The following MYO18B variants were observed in gnomAD, a reference collection of about 807,000 sequenced individuals.
MYO18B encodes the protein myosin XVIIIB, also known as unconventional myosin-XVIIIb.
In MYO18B, 204 loss-of-function variants were observed where a neutral mutation model predicts 273.0. The ratio of observed to expected loss-of-function variants is 0.75; its 90% CI spans 0.67 to 0.84. The LOEUF (loss-of-function observed/expected upper bound fraction) is 0.84. MYO18B is among the 40% of genes least tolerant of loss of function. MYO18B has a pLI of 0.00. For missense variants in MYO18B, 3,212 were observed against 3,287.6 expected (o/e 0.98, Z 0.56); for synonymous variants, 1,330 against 1,305.7 (o/e 1.02, Z -0.40).
intron 39 of MYO18B, among the ~76,000 whole-genome samples, chr22:25,987,900 A>G (rs936470579): frequency 2.0e-5 from 3 of 152,124 alleles, no homozygotes; most frequent in Non-Finnish European, 4.4e-5. Flanking sequence ...GATTTCTGCT[A>G]TCTATGCATC....
At position 25,874,251 on chromosome 22, in the gene MYO18B, G is replaced by A. The variant is rs375669841; in HGVS notation, c.3952-35G>A. The A allele has an allele frequency of 9.8e-4, 1,574 of 1,611,986 alleles. 16 individuals carry two copies. In the African/African-American group the frequency reaches 0.018, roughly 19 times the overall value. ...CCCCCATTGTAGACAGCCTTCTTCA[G>A]CAGAGGACTCACCTGAAACCTTCCC... On this transcript the variant is annotated intron_variant, in intron 22 of 43. Coordinates refer to ENST00000335473, the MANE Select transcript of MYO18B (RefSeq NM_032608.7).
chr22:25,843,616 C>T (rs934818718), intron 17 of MYO18B, 119 bp from the exon 18 acceptor site: 3 of 1,029,418 alleles, frequency 2.9e-6, no homozygotes, highest in Non-Finnish European at 4.1e-6. Context: ...TGCCTTCGAC[C>T]ATGAGCGTTA....
At chr22:25,915,003 G>C (rs550335317) in intron 33 of MYO18B, among the ~76,000 whole-genome samples, 2 of 151,232 alleles carry the variant, frequency 1.3e-5, no homozygotes, top group South Asian at 4.2e-4. Flanking sequence ...GGCCAGTTTT[G>C]ACTCTTGACC....
Position 25,949,616 on chromosome 22 carries a change from C to T in MYO18B, c.5749-751C>T, listed in dbSNP as rs562800621. 1.9e-3 allele frequency among the ~76,000 whole-genome samples: 290 copies of T among 152,262 alleles called. 1 individual carries two copies. The highest frequency in any genetic ancestry group is 3.5e-3 in the Non-Finnish European group (236 of 68,002). On this transcript the variant is annotated intron_variant, in intron 36 of 43. Transcript: ENST00000335473. ...TCTGCTGGACAAGGAATAATAATAA[C>T]AAAATAATTGATGATATCATCCACA... is the stretch of plus-strand genomic sequence containing the variant.
intron 42 of MYO18B, among the ~76,000 whole-genome samples, chr22:26,010,064 G>A (rs1047356512): frequency 6.6e-6 from 1 of 152,082 alleles, no homozygotes; most frequent in African/African-American, 2.4e-5. Context: ...AAAGCACCAC[G>A]TTGGAGCCCT....
At chr22:26,037,359 G>A in the MYO18B span, among the ~76,000 whole-genome samples, 1 of 152,184 alleles carries the variant, frequency 6.6e-6, no homozygotes, top group Non-Finnish European at 1.5e-5. Context: ...GGATTATTAT[G>A]CCCATTTTAC....
chr22:25,751,883 A>G (rs1326039893), intron 1 of MYO18B, among the ~76,000 whole-genome samples: 1 of 152,122 alleles, frequency 6.6e-6, no homozygotes, highest in Non-Finnish European at 1.5e-5. Flanking sequence ...CGTGGAGTAA[A>G]GGGAAAGTGA....
At chr22:25,974,646 A>G (rs988408412) in intron 39 of MYO18B, among the ~76,000 whole-genome samples, 4 of 152,342 alleles carry the variant, frequency 2.6e-5, no homozygotes, top group Admixed American at 2.0e-4. Context: ...TTGTGCTCCA[A>G]TAAAACTTGA....
chr22:25,885,215 T>A (rs2091461102), intron 25 of MYO18B, among the ~76,000 whole-genome samples: 1 of 152,222 alleles, frequency 6.6e-6, no homozygotes, highest in Non-Finnish European at 1.5e-5. Context: ...TAACTGAAAC[T>A]GTGAAGAAGG....
At chr22:25,978,295 G>T (rs1023175178) in intron 39 of MYO18B, among the ~76,000 whole-genome samples, 1 of 152,214 alleles carries the variant, frequency 6.6e-6, no homozygotes, top group African/African-American at 2.4e-5. Flanking sequence ...CTTGATGGAT[G>T]AGTAGAAGTT....
chr22:25,822,619 T>C (rs752810577), intron 12 of MYO18B, among the ~76,000 whole-genome samples: 1 of 152,118 alleles, frequency 6.6e-6, no homozygotes. Context: ...GGATGTGTGA[T>C]TGTGTAGCAG....
At chr22:25,755,559 C>T (rs758181897) in intron 1 of MYO18B, among the ~76,000 whole-genome samples, 3 of 152,198 alleles carry the variant, frequency 2.0e-5, no homozygotes, top group Non-Finnish European at 4.4e-5. Flanking sequence ...ATGTCTGTTC[C>T]CTCCAAATCT....
In MYO18B at chr22:25,840,685, G is replaced by A. The variant is rs372822388; in HGVS notation, c.3209-3050G>A. Among the ~76,000 whole-genome samples the A allele has an allele frequency of 3.3e-5, 5 of 152,238 alleles. No homozygotes were observed. In the East Asian group the frequency reaches 5.8e-4, roughly 18 times the overall value. ...AAGGAAATGTATTATCAAAGGGAATGTTTTCTGGATCCTGCCTTGTAGGTA... is the reference window on the plus strand; with the variant it reads ...AAGGAAATGTATTATCAAAGGGAATATTTTCTGGATCCTGCCTTGTAGGTA... On this transcript the variant is annotated intron_variant, in intron 17 of 43. Coordinates refer to ENST00000335473, the MANE Select transcript of MYO18B (RefSeq NM_032608.7).
Position 25,876,184 on chromosome 22 carries a change from T to C in MYO18B, c.4081-5T>C. 1.2e-6 allele frequency: 2 copies of C among 1,609,952 alleles called. No individual in the cohort carries two copies. Among genetic ancestry groups the C allele is most frequent in the Non-Finnish European group, 1.7e-6 (2 of 1,177,942 alleles). On this transcript the variant is annotated splice_polypyrimidine_tract_variant and splice_region_variant and intron_variant, in intron 23 of 43. Transcript: ENST00000335473. ...CCCTCCAGTCTGTGTTCTCCTTCCC[T>C]GCAGATTCGCCGACTGGCTGCACAG...
chr22:25,963,404 G>C (rs944253325), intron 39 of MYO18B, among the ~76,000 whole-genome samples: 3 of 151,356 alleles, frequency 2.0e-5, no homozygotes, highest in African/African-American at 7.3e-5. Flanking sequence ...TCCTTCCCCT[G>C]GTGGCTCCAG....
At chr22:25,896,725 T>C (rs2091812493) in intron 28 of MYO18B, 1 of 151,864 alleles carries the variant, frequency 6.6e-6, no homozygotes, top group South Asian at 2.1e-4. Flanking sequence ...GTTCACACTC[T>C]AACAAATGGT....
In MYO18B at chr22:25,921,261, G is replaced by T. The variant is rs1167534761; in HGVS notation, c.5369G>T (p.Gly1790Val). The T allele has an allele frequency of 1.9e-6, 3 of 1,551,220 alleles. No homozygotes were observed. The South Asian group carries it at 3.6e-5, about 18-fold the overall frequency. Residue 1790 changes from glycine (G) to valine (V), a missense_variant, in exon 34 of 44, where the codon GGC (glycine) becomes GTC (valine). By Grantham distance (109) the Gly-to-Val change is moderately radical. Coordinates refer to ENST00000335473, the MANE Select transcript of MYO18B (RefSeq NM_032608.7). ...GGGTCTCCCTTTGGCTTTCAGATTGGCCATCGGGACTTTGATGTGGAGAAG... is the reference window on the plus strand; with the variant it reads ...GGGTCTCCCTTTGGCTTTCAGATTGTCCATCGGGACTTTGATGTGGAGAAG... ...GLIGTLCDQIGHRDFDVEKRL... is the reference protein window; with the variant it reads ...GLIGTLCDQIVHRDFDVEKRL...
chr22:25,757,040 A>C (rs892925318), intron 1 of MYO18B, among the ~76,000 whole-genome samples: 3 of 152,148 alleles, frequency 2.0e-5, no homozygotes, highest in Non-Finnish European at 4.4e-5. Context: ...CGACTTGGGC[A>C]ACAGAGCAGG....
rs578081525 is a variant in MYO18B at position 25,871,975 on chromosome 22, T to C, written c.3952-2311T>C. Among the ~76,000 whole-genome samples, 5 of 115,126 alleles carry C rather than the reference T, an allele frequency of 4.3e-5. No individual in the cohort carries two copies. In the South Asian group the frequency reaches 1.4e-3, roughly 33 times the overall value. The allele number at this position is 115,126 out of a possible 152,430, so 75.5% of individuals were successfully genotyped here. On this transcript the variant is annotated intron_variant, in intron 22 of 43. Transcript: ENST00000335473. ...TCTGGTGCTGTCATAACTTTGATCA[T>C]TGATTTTTTTTTTATAGCAGCTTTT...
Sources: gnomAD v4.1 joint callset for allele counts (sites outside exome capture counted in the v4.1 genomes callset) on GRCh38, gnomAD v4.1.1 for gene constraint, MANE v1.5 for transcripts, NCBI Gene and HGNC (gene_info 2026-07-23, HGNC 2026-07-21) for gene names.